Variants in SAMD12 observed in about 807,000 individuals in gnomAD.
SAMD12 encodes the protein sterile alpha motif domain containing 12, also known as sterile alpha motif domain-containing protein 12.
SAMD12 carries 9 observed loss-of-function variants against 15.0 expected under a neutral mutation model. The ratio of observed to expected loss-of-function variants is 0.60; its 90% CI spans 0.36 to 1.05. SAMD12 has a LOEUF of 1.05. Among genes scored for constraint, SAMD12 ranks in the 50% least tolerant of loss-of-function variants. The pLI is 0.01. For missense variants in SAMD12, 230 were observed against 234.2 expected, an observed-to-expected ratio of 0.98 and a Z score of 0.12; for synonymous variants, 86 against 90.1, an observed-to-expected ratio of 0.96 and a Z score of 0.25.
intron 4 of SAMD12, among the ~76,000 whole-genome samples, chr8:118,290,923 A>G (rs946237285): frequency 1.3e-5 from 2 of 152,030 alleles, no homozygotes; most frequent in African/African-American, 4.8e-5. Context: ...TGCCTTTACA[A>G]CTCTTACAGA....
At chr8:118,159,838 C>T in the SAMD12 span, among the ~76,000 whole-genome samples, 3 of 151,798 alleles carry the variant, frequency 2.0e-5, no homozygotes, top group East Asian at 5.8e-4. Context: ...TCCTGCCTCA[C>T]TCTCCCAAGT....
intron 3 of SAMD12, among the ~76,000 whole-genome samples, chr8:118,417,550 T>TA (rs1384072329): frequency 1.3e-5 from 2 of 152,196 alleles, no homozygotes; most frequent in Admixed American, 6.5e-5. Context: ...TAATGAATGA[T>TA]CTGTAAATTA....
intron 2 of SAMD12, among the ~76,000 whole-genome samples, chr8:118,503,710 G>A (rs900440660): frequency 3.9e-5 from 6 of 152,042 alleles, no homozygotes; most frequent in Admixed American, 2.0e-4. Context: ...CTCCCTCCTT[G>A]GGCTCTTCCT....
At chr8:118,441,752 C>G (rs1822770517) in intron 2 of SAMD12, among the ~76,000 whole-genome samples, 1 of 152,102 alleles carries the variant, frequency 6.6e-6, no homozygotes, top group African/African-American at 2.4e-5. Context: ...GGTTATGTGA[C>G]CTTCCTGACC....
chr8:118,254,490 T>A (rs1812888578), intron 4 of SAMD12, among the ~76,000 whole-genome samples: 1 of 152,124 alleles, frequency 6.6e-6, no homozygotes, highest in Non-Finnish European at 1.5e-5. Flanking sequence ...TCATCATCCA[T>A]CTCGCCACAC....
At chr8:118,571,959 T>C (rs61642573) in intron 2 of SAMD12, among the ~76,000 whole-genome samples, 7,799 of 152,088 alleles carry the variant, frequency 0.051, 338 homozygotes, top group East Asian at 0.24. Flanking sequence ...GATCCACTGA[T>C]AGCTTGCACC....
chr8:118,527,033 C>T (rs56924314), intron 2 of SAMD12, among the ~76,000 whole-genome samples: 2,247 of 152,258 alleles, frequency 0.015, 51 homozygotes, highest in African/African-American at 0.052. Flanking sequence ...ATCTGCCAGC[C>T]GAATACTCAT....
intron 4 of SAMD12, among the ~76,000 whole-genome samples, chr8:118,200,959 C>T (rs145996266): frequency 9.8e-5 from 15 of 152,286 alleles, no homozygotes; most frequent in Admixed American, 2.0e-4. Flanking sequence ...GGACCACAGG[C>T]GTGGCGTGCA....
intron 2 of SAMD12, among the ~76,000 whole-genome samples, chr8:118,448,516 G>T (rs548568879): frequency 6.6e-6 from 1 of 152,164 alleles, no homozygotes. Context: ...TGTCTGTTCC[G>T]CCATCATATA....
intron 4 of SAMD12, among the ~76,000 whole-genome samples, chr8:118,333,599 C>T (rs1292169308): frequency 6.6e-6 from 1 of 151,642 alleles, no homozygotes; most frequent in Non-Finnish European, 1.5e-5. Context: ...AGGAGTGTCC[C>T]ATTTTCAGGA....
At chr8:118,423,251 C>T (rs771678991) in intron 3 of SAMD12, among the ~76,000 whole-genome samples, 44 of 152,166 alleles carry the variant, frequency 2.9e-4, no homozygotes, top group Non-Finnish European at 5.9e-4. Flanking sequence ...ACCTATTCTT[C>T]TGATCCATTT....
In SAMD12 at chr8:118,460,259, G is replaced by A. The variant is rs527318468; in HGVS notation, c.193-20298C>T. 2.4e-4 allele frequency among the ~76,000 whole-genome samples: 36 copies of A among 152,178 alleles called. No individual in the cohort carries two copies. In the South Asian group the frequency reaches 7.3e-3, roughly 31 times the overall value. Reference sequence around the variant, plus strand: ...CACATGGCATTGTACTGTTTGATGGGTAAAGTATAAAAACCCACCATTAAA... The same window carrying A: ...CACATGGCATTGTACTGTTTGATGGATAAAGTATAAAAACCCACCATTAAA... On this transcript the variant is annotated intron_variant, in intron 2 of 3. Transcript: ENST00000314727.
chr8:118,291,760 G>A (rs912595729), intron 4 of SAMD12, among the ~76,000 whole-genome samples: 1 of 151,268 alleles, frequency 6.6e-6, no homozygotes, highest in East Asian at 2.0e-4. Flanking sequence ...GTGTTTTCTC[G>A]GTTGAAGCCA....
chr8:118,463,232 C>T (rs963042655), intron 2 of SAMD12, among the ~76,000 whole-genome samples: 4 of 151,796 alleles, frequency 2.6e-5, no homozygotes, highest in African/African-American at 9.7e-5. Context: ...GGGGCTAGAA[C>T]CTTGAACTCG....
the SAMD12 span, among the ~76,000 whole-genome samples, chr8:118,148,409 G>GA: frequency 6.6e-6 from 1 of 152,128 alleles, no homozygotes; most frequent in Admixed American, 6.5e-5. Context: ...GTAGTTATTA[G>GA]AAAAAAATGT....
chr8:118,136,418 A>C, the SAMD12 span, among the ~76,000 whole-genome samples: 4 of 152,258 alleles, frequency 2.6e-5, no homozygotes, highest in Non-Finnish European at 5.9e-5. Flanking sequence ...TGGGAAAGTC[A>C]TAAGGGAGAA....
chr8:118,493,631 T>C (rs1824514398), intron 2 of SAMD12, among the ~76,000 whole-genome samples: 1 of 152,212 alleles, frequency 6.6e-6, no homozygotes, highest in Non-Finnish European at 1.5e-5. Context: ...TCCAATGTGA[T>C]TGTAGCTGGA....
At chr8:118,201,492 AT>A (rs1276356923) in intron 4 of SAMD12, among the ~76,000 whole-genome samples, 6 of 152,214 alleles carry the variant, frequency 3.9e-5, no homozygotes, top group Non-Finnish European at 1.5e-5. Flanking sequence ...AATTTAATGT[AT>A]CCATCGTTCC....
At chr8:118,554,261 T>A (rs1826449055) in intron 2 of SAMD12, among the ~76,000 whole-genome samples, 1 of 152,018 alleles carries the variant, frequency 6.6e-6, no homozygotes, top group South Asian at 2.1e-4. Flanking sequence ...CTATTCACAA[T>A]AGCAAAGACT....
Sources: allele counts gnomAD v4.1 joint callset (sites outside exome capture counted in the v4.1 genomes callset), GRCh38; gene constraint gnomAD v4.1.1; transcripts MANE v1.5; gene names NCBI Gene and HGNC (gene_info 2026-07-23, HGNC 2026-07-21).